SCD5: variants seen among roughly 807,000 people sequenced by gnomAD.
The protein encoded by SCD5 is stearoyl-CoA desaturase 5, also known as acyl-CoA-desaturase 4.
A neutral mutation model predicts 30.4 loss-of-function variants in SCD5; 20 were observed. The ratio of observed to expected loss-of-function variants is 0.66; its 90% CI spans 0.46 to 0.96. SCD5 has a LOEUF of 0.96. Among genes scored for constraint, SCD5 ranks in the 40% least tolerant of loss-of-function variants. The pLI, the probability that SCD5 is intolerant of heterozygous loss-of-function variation, is 0.00. For missense variants in SCD5, 381 were observed against 443.3 expected (o/e 0.86, Z 1.26); for synonymous variants, 173 against 176.4 (o/e 0.98, Z 0.16).
At chr4:82,685,650 T>C (rs1431500244) in intron 2 of SCD5, among the ~76,000 whole-genome samples, 1 of 19,242 alleles carries the variant, frequency 5.2e-5, no homozygotes, top group Non-Finnish European at 1.0e-4. Flanking sequence ...AAGGCAGACA[T>C]TGCAGTGAGC....
At chr4:82,664,755 CATAAAG>C (rs1044737628) in intron 3 of SCD5, among the ~76,000 whole-genome samples, 2 of 151,902 alleles carry the variant, frequency 1.3e-5, no homozygotes, top group Admixed American at 6.6e-5. Flanking sequence ...CAAGCCAAAA[CATAAAG>C]ATAAAAAGGA....
intron 3 of SCD5, among the ~76,000 whole-genome samples, chr4:82,651,410 G>C (rs1727747791): frequency 6.6e-6 from 1 of 152,140 alleles, no homozygotes; most frequent in Non-Finnish European, 1.5e-5. Context: ...TGGATGCTAA[G>C]CTATGAGGAC....
intron 3 of SCD5, among the ~76,000 whole-genome samples, chr4:82,652,188 G>A (rs1727772300): frequency 6.6e-6 from 1 of 152,190 alleles, no homozygotes; most frequent in South Asian, 2.1e-4. Flanking sequence ...TTAGTAGGAA[G>A]CGAGGTATAA....
intron 3 of SCD5, among the ~76,000 whole-genome samples, chr4:82,668,097 G>T (rs970118099): frequency 1.3e-5 from 2 of 152,264 alleles, no homozygotes; most frequent in East Asian, 1.9e-4. Flanking sequence ...AACAGCTTTT[G>T]TTCTCTTATA....
chr4:82,724,630 G>A (rs1320457949), intron 1 of SCD5, among the ~76,000 whole-genome samples: 2 of 152,166 alleles, frequency 1.3e-5, no homozygotes, highest in Non-Finnish European at 2.9e-5. Flanking sequence ...CATGGTGGCC[G>A]TGATTAGCTC....
At chr4:82,744,805 C>T (rs1720948908) in intron 1 of SCD5, among the ~76,000 whole-genome samples, 1 of 151,716 alleles carries the variant, frequency 6.6e-6, no homozygotes, top group African/African-American at 2.4e-5. Context: ...TGCATGAAGA[C>T]ATGGCCCCAC....
chr4:82,643,657 T>G (rs921098525), intron 3 of SCD5, among the ~76,000 whole-genome samples: 6 of 152,336 alleles, frequency 3.9e-5, no homozygotes, highest in Admixed American at 2.0e-4. Context: ...TACAGTATCA[T>G]TAGTGTACTT....
intron 2 of SCD5, among the ~76,000 whole-genome samples, chr4:82,691,256 C>A (rs569250279): frequency 6.6e-6 from 1 of 152,168 alleles, no homozygotes; most frequent in Admixed American, 6.5e-5. Context: ...CAACTCCTGA[C>A]CTCAGGTGAT....
rs143363389 is a variant in SCD5 at position 82,740,729 on chromosome 4, T to G, written c.233-35316A>C. 2.8e-3 allele frequency among the ~76,000 whole-genome samples: 428 copies of G among 152,334 alleles called. 1 individual carries two copies. Among genetic ancestry groups the G allele is most frequent in the African/African-American group, 9.8e-3 (408 of 41,568 alleles). On this transcript the variant is annotated intron_variant, in intron 1 of 4. Transcript: ENST00000319540. ...CCTCCCTCCTCTCAACTTCTGAATC[T>G]TTCTTTTCTCTTCCTTCTACCCTTC...
At chr4:82,758,412 T>C (rs946924708) in intron 1 of SCD5, among the ~76,000 whole-genome samples, 1 of 152,146 alleles carries the variant, frequency 6.6e-6, no homozygotes, top group Non-Finnish European at 1.5e-5. Flanking sequence ...TGAGCTGTGA[T>C]GGTGCCCCTG....
chr4:82,786,714 C>T (rs1327368731), intron 1 of SCD5, among the ~76,000 whole-genome samples: 1 of 151,358 alleles, frequency 6.6e-6, no homozygotes, highest in Non-Finnish European at 1.5e-5. Flanking sequence ...ATCGCTTGAA[C>T]CCAGAAGGCA....
rs202149433 is a variant in SCD5 at position 82,718,007 on chromosome 4, GA to G, written c.233-12595del. 5.2e-3 allele frequency among the ~76,000 whole-genome samples: 654 copies of G among 126,928 alleles called. 5 individuals are homozygous for G. Among genetic ancestry groups the G allele is most frequent in the African/African-American group, 0.013 (449 of 33,784 alleles). The allele number at this position is 126,928 out of a possible 152,430, so 83.3% of individuals were successfully genotyped here. Reference sequence around the variant, plus strand: ...CAAAAGTGGTCAATTTCAGGCAAGTGAAAAAAAAAAAAGAATAATTTCTGCT... The same window carrying G: ...CAAAAGTGGTCAATTTCAGGCAAGTGAAAAAAAAAAAGAATAATTTCTGCT... On this transcript the variant is annotated intron_variant, in intron 1 of 4. Transcript: ENST00000319540.
At chr4:82,652,253 G>A (rs956028534) in intron 3 of SCD5, among the ~76,000 whole-genome samples, 3 of 152,170 alleles carry the variant, frequency 2.0e-5, no homozygotes, top group Non-Finnish European at 2.9e-5. Context: ...AATAACAGTT[G>A]CAATTTTTCC....
intron 2 of SCD5, among the ~76,000 whole-genome samples, chr4:82,704,576 C>T (rs762118387): frequency 5.9e-5 from 9 of 152,142 alleles, no homozygotes; most frequent in Non-Finnish European, 1.2e-4. Context: ...TTTTATAGCT[C>T]CCTGCAGTTT....
In SCD5 at chr4:82,630,851, G is replaced by C. The variant is rs909558864; in HGVS notation, c.*476C>G. 6.6e-6 allele frequency: 1 copy of C among 151,888 alleles called. No individual in the cohort carries two copies. Among genetic ancestry groups the C allele is most frequent in the African/African-American group, 2.4e-5 (1 of 41,160 alleles). The allele number at this position is 151,888 out of a possible 1,614,324, so 9.4% of individuals were successfully genotyped here. On this transcript the variant is annotated 3_prime_UTR_variant, in exon 5 of 5. Transcript: ENST00000319540. Reference sequence around the variant, plus strand: ...CGGCAGGGTGCGGTGGCTCACGCCTGTAATCCCAGCTCTTTGGGAGGCCGA... The same window carrying C: ...CGGCAGGGTGCGGTGGCTCACGCCTCTAATCCCAGCTCTTTGGGAGGCCGA...
chr4:82,766,272 C>A (rs11726264), intron 1 of SCD5, among the ~76,000 whole-genome samples: 2 of 152,042 alleles, frequency 1.3e-5, no homozygotes, highest in Non-Finnish European at 2.9e-5. Context: ...TCTGTTCTTT[C>A]CTTCTTTTTC....
intron 3 of SCD5, among the ~76,000 whole-genome samples, chr4:82,665,378 TA>T (rs1004286482): frequency 1.2e-3 from 174 of 146,820 alleles, no homozygotes; most frequent in Non-Finnish European, 2.0e-3. Context: ...CCTCTCTCCT[TA>T]AAAAAAAAAT....
intron 3 of SCD5, among the ~76,000 whole-genome samples, chr4:82,648,257 A>C (rs762593416): frequency 2.6e-5 from 4 of 152,184 alleles, no homozygotes; most frequent in Admixed American, 6.5e-5. Context: ...CAGCCCCTCC[A>C]CCACATGCAA....
intron 1 of SCD5, among the ~76,000 whole-genome samples, chr4:82,745,376 C>CTAAGCAGT (rs1258090788): frequency 6.6e-6 from 1 of 152,168 alleles, no homozygotes; most frequent in Non-Finnish European, 1.5e-5. Context: ...AGGCCAAATC[C>CTAAGCAGT]TAAGCAGTGA....
Sources: allele counts gnomAD v4.1 joint callset (sites outside exome capture counted in the v4.1 genomes callset), GRCh38; gene constraint gnomAD v4.1.1; transcripts MANE v1.5; gene names NCBI Gene and HGNC (gene_info 2026-07-23, HGNC 2026-07-21).